The following SHANK1 variants were observed in gnomAD, a reference collection of about 807,000 sequenced individuals.
The protein encoded by SHANK1 is SH3 and multiple ankyrin repeat domains 1.
A neutral mutation model predicts 165.6 loss-of-function variants in SHANK1; 35 were observed. The observed-to-expected ratio is 0.21, with a 90% CI of 0.16 to 0.28. The LOEUF is 0.28. SHANK1 is among the 10% of genes least tolerant of loss of function. The pLI is 1.00. For synonymous variants in SHANK1, 1,428 were observed against 1,384.8 expected, an observed-to-expected ratio of 1.03 and a Z score of -0.69; for missense variants, 2,681 against 3,036.4, an observed-to-expected ratio of 0.88 and a Z score of 2.75.
At position 50,716,771 on chromosome 19, in the gene SHANK1, C is replaced by T. The variant is rs2089074439; in HGVS notation, c.149G>A (p.Ser50Asn). 2 of 1,607,798 alleles carry T rather than the reference C, an allele frequency of 1.2e-6. No individual in the cohort carries two copies. Among genetic ancestry groups the T allele is most frequent in the Non-Finnish European group, 1.7e-6 (2 of 1,177,124 alleles). Residue 50 changes from serine to asparagine, a missense_variant, in exon 2 of 24, where the codon AGC (serine) becomes AAC (asparagine). Ser to Asn is a conservative substitution (Grantham distance 46). Transcript: ENST00000293441. This position sits in a 1 kb window ranked among gnomAD's most constrained non-coding sequence, Gnocchi z 8.4. ...CTGGAGGCCTCTAACAGAGGCCAGG[C>T]TACCAGGTGCCCCACTGCCCTGGCC... Reference protein sequence around the residue: ...TRGQGSGAPGSLASVRGLQGR... With the variant: ...TRGQGSGAPGNLASVRGLQGR...
intron 21 of SHANK1, among the ~76,000 whole-genome samples, chr19:50,685,932 T>C (rs1986318068): frequency 6.6e-6 from 1 of 152,024 alleles, no homozygotes; most frequent in Non-Finnish European, 1.5e-5. Context: ...TCATTTTGCC[T>C]TCCTTGAGAC....
In SHANK1 at chr19:50,713,894, G is replaced by T; in HGVS notation, c.696C>A (p.Thr232=). The change falls in exon 6 of 24, where the codon ACC becomes ACA. Residue 232 remains threonine, a synonymous_variant. Transcript: ENST00000293441. The surrounding 1 kb of genome is among the most constrained non-coding windows in gnomAD (Gnocchi z 6.2). ...QTEGSVEVIR[T]LCLGGAHIDF... The stretch of plus-strand genomic sequence containing the variant: ...CAATGTGGGCCCCGCCCAGGCACAG[G>T]GTTCGAATCACCTCTACAGAGCCTT... 6.2e-7 allele frequency: 1 copy of T among 1,613,918 alleles called. No homozygotes were observed. Among genetic ancestry groups the T allele is most frequent in the Non-Finnish European group, 8.5e-7 (1 of 1,179,944 alleles).
chr19:50,672,198 C>G, intron 21 of SHANK1, 84 bp from the exon 22 acceptor site: 1 of 1,090,444 alleles, frequency 9.2e-7, no homozygotes, highest in Non-Finnish European at 1.3e-6. Context: ...CTTCACTATA[C>G]GGCTGCCCCC....
chr19:50,671,180 CTT>C (rs35076465), intron 22 of SHANK1, among the ~76,000 whole-genome samples: 4 of 76,724 alleles, frequency 5.2e-5, no homozygotes, highest in African/African-American at 1.1e-4. Context: ...TTTTTTCACT[CTT>C]TTTTTTTTTT....
At chr19:50,672,596 G>T (rs1454986795) in intron 21 of SHANK1, among the ~76,000 whole-genome samples, 1 of 148,914 alleles carries the variant, frequency 6.7e-6, no homozygotes, top group African/African-American at 2.5e-5. Context: ...GAAGGCGAAA[G>T]GGAATTCTGC....
Position 50,669,047 on chromosome 19 carries a change from G to A in SHANK1, c.2913C>T (p.Asp971=), listed in dbSNP as rs1444738670. 7 of 960,160 alleles carry A rather than the reference G, an allele frequency of 7.3e-6. No individual in the cohort carries two copies. Among genetic ancestry groups the A allele is most frequent in the Non-Finnish European group, 9.0e-6 (6 of 663,502 alleles). 59.5% of individuals were successfully genotyped at this position (960,160 alleles called of 1,614,324 possible). A position where few individuals can be genotyped will look rare whatever the true frequency, so the allele number is the denominator to read the frequency against. The part of the protein sequence containing the change: ...PLPASSPASF[D]GPSPPDTRVG... ...CGCGAGTGTCGGGAGGGGAGGGCCC[G>A]TCAAAGGATGCAGGGGAGGAGGCGG... is the stretch of plus-strand genomic sequence containing the variant. Residue 971 remains aspartate (D), a synonymous_variant, in exon 23 of 24, where the codon GAC becomes GAT. Transcript: ENST00000293441.
chr19:50,687,574 A>G lies in SHANK1; in HGVS notation c.2389+8T>C. The G allele has an allele frequency of 6.5e-7, 1 of 1,546,558 alleles. No homozygotes were observed. On this transcript the variant is annotated splice_region_variant and intron_variant, in intron 19 of 23. Transcript: ENST00000293441. Reference sequence around the variant, plus strand: ...GGCCCCCTGGCCTCAGCAGCCCCGCAGGCTCACCCATCTCCTCCAGCTCTG... The same window carrying G: ...GGCCCCCTGGCCTCAGCAGCCCCGCGGGCTCACCCATCTCCTCCAGCTCTG...
At chr19:50,665,751 A>AAAAAAAAAAAAAAAAAG in intron 23 of SHANK1, among the ~76,000 whole-genome samples, 1 of 147,284 alleles carries the variant, frequency 6.8e-6, no homozygotes, top group Non-Finnish European at 1.5e-5. Flanking sequence ...AAAAAAAAAA[A>AAAAAAAAAAAAAAAAAG]AGCCAGGCAT....
At position 50,667,793 on chromosome 19, in the gene SHANK1, C is replaced by A. The variant is rs1599840605; in HGVS notation, c.4167G>T (p.Pro1389=). The A allele has an allele frequency of 5.4e-6, 2 of 373,360 alleles. No homozygotes were observed. The highest frequency in any genetic ancestry group is 7.5e-5 in the South Asian group (1 of 13,260). The allele number at this position is 373,360 out of a possible 1,614,324, so 23.1% of individuals were successfully genotyped here. A position where few individuals can be genotyped will look rare whatever the true frequency, so the allele number is the denominator to read the frequency against. The change falls in exon 23 of 24, where the codon CCG becomes CCT. Residue 1389 remains proline (P), a synonymous_variant. Coordinates refer to ENST00000293441, the MANE Select transcript of SHANK1 (RefSeq NM_016148.5). The surrounding 1 kb of genome is among the most constrained non-coding windows in gnomAD (Gnocchi z 5.7). The stretch of plus-strand genomic sequence containing the variant: ...GGGGCGAGTGGTGGTGCGGGGTGGG[C>A]GGCGGGGCCTCGTAGCGGGGCGATG... ...RPPSPRYEAP[P]PTPHHHSPHA...
chr19:50,685,871 T>C (rs542725505), intron 21 of SHANK1, among the ~76,000 whole-genome samples: 1 of 152,310 alleles, frequency 6.6e-6, no homozygotes, highest in East Asian at 1.9e-4. Context: ...TTTTAATAAG[T>C]ACTACGTGTT....
rs200229575 is a variant in SHANK1, at chr19:50,687,987, C to T, written c.2244G>A (p.Thr748=). ...VVNMIRQGGN[T]LMVKVVMVTR... is the part of the protein sequence containing the mutation. ...TGACCATCACCACCTTCACCATCAG[C>T]GTGTTGCCCCCTTGGCGGATCATGT... Residue 748 remains threonine (T), a synonymous_variant, in exon 18 of 24, where the codon ACG becomes ACA. Coordinates refer to ENST00000293441, the MANE Select transcript of SHANK1 (RefSeq NM_016148.5). The T allele has an allele frequency of 6.8e-6, 11 of 1,614,126 alleles. No individual in the cohort carries two copies. Among genetic ancestry groups the T allele is most frequent in the African/African-American group, 4.0e-5 (3 of 75,052 alleles).
At chr19:50,673,278 C>A (rs1213521919) in intron 21 of SHANK1, among the ~76,000 whole-genome samples, 2 of 152,092 alleles carry the variant, frequency 1.3e-5, no homozygotes, top group Non-Finnish European at 2.9e-5. Flanking sequence ...GGAATCCCCA[C>A]CTCCGGCTCC....
At chr19:50,719,132 G>T (rs999857469) in intron 1 of SHANK1, among the ~76,000 whole-genome samples, 1 of 150,136 alleles carries the variant, frequency 6.7e-6, no homozygotes, top group Non-Finnish European at 1.5e-5. Flanking sequence ...GCCCCGGAGA[G>T]CCGGGAGGCG....
intron 21 of SHANK1, among the ~76,000 whole-genome samples, chr19:50,674,739 T>C (rs1361653318): frequency 6.6e-6 from 1 of 151,914 alleles, no homozygotes; most frequent in African/African-American, 2.4e-5. Flanking sequence ...CTGGGCAGCA[T>C]AGGGAGACTC....
chr19:50,687,496 A>G, intron 19 of SHANK1, 86 bp downstream of exon 19: 1 of 1,067,446 alleles, frequency 9.4e-7, no homozygotes, highest in South Asian at 1.6e-5. Flanking sequence ...CCTGGTCACT[A>G]ACAACACTAA....
chr19:50,663,829 A>G (rs1390059317), intron 23 of SHANK1, among the ~76,000 whole-genome samples: 1 of 151,924 alleles, frequency 6.6e-6, no homozygotes, highest in Admixed American at 6.6e-5. Context: ...TCAGTTCTTA[A>G]AGGCCTAATA....
intron 18 of SHANK1, 46 bp downstream of exon 18, chr19:50,687,877 G>C: frequency 6.2e-7 from 1 of 1,611,752 alleles, no homozygotes; most frequent in South Asian, 1.1e-5. Flanking sequence ...CCGCAGGGCT[G>C]AGCCTGGTGG....
chr19:50,689,989 GA>G (rs984606385), intron 15 of SHANK1, among the ~76,000 whole-genome samples: 8 of 151,258 alleles, frequency 5.3e-5, no homozygotes, highest in African/African-American at 2.0e-4. Context: ...AAATCAAATG[GA>G]AAAATTCAAT....
intron 21 of SHANK1, among the ~76,000 whole-genome samples, chr19:50,677,300 G>A (rs1369107296): frequency 3.3e-5 from 5 of 151,932 alleles, no homozygotes; most frequent in African/African-American, 1.2e-4. Flanking sequence ...GCTAATTTTT[G>A]TATTTTTAGT....
Sources: gnomAD v4.1 joint callset for allele counts (sites outside exome capture counted in the v4.1 genomes callset) on GRCh38, gnomAD v4.1.1 for gene constraint, Gnocchi (gnomAD v3.1) non-coding constraint, MANE v1.5 for transcripts, NCBI Gene and HGNC (gene_info 2026-07-23, HGNC 2026-07-21) for gene names.